Variants in PCSK1 observed in about 807,000 individuals in gnomAD.
PCSK1 encodes the protein neuroendocrine convertase 1.
Under a neutral mutation model 90.6 loss-of-function variants are expected in PCSK1, and 56 were observed. That is an observed-to-expected ratio of 0.62 (90% confidence interval 0.50 to 0.77). PCSK1 has a LOEUF of 0.77. Among genes scored for constraint, PCSK1 ranks in the 30% least tolerant of loss-of-function variants. The pLI, the probability that PCSK1 is intolerant of heterozygous loss-of-function variation, is 0.00. For synonymous variants in PCSK1, 348 were observed against 342.4 expected, an observed-to-expected ratio of 1.02 and a Z score of -0.18; for missense variants, 801 against 932.6, an observed-to-expected ratio of 0.86 and a Z score of 1.84.
intron 9 of PCSK1, among the ~76,000 whole-genome samples, chr5:96,400,701 G>A (rs930596629): frequency 7.2e-5 from 11 of 152,168 alleles, no homozygotes; most frequent in East Asian, 1.9e-4. Context: ...TATCAAAAGC[G>A]TCAAGAAACT....
At chr5:96,420,984 G>C (rs2112436817) in intron 5 of PCSK1, among the ~76,000 whole-genome samples, 1 of 152,240 alleles carries the variant, frequency 6.6e-6, no homozygotes. Flanking sequence ...GATCATTTTG[G>C]TGCAAGTCTC....
rs369199804 is a variant in PCSK1 at position 96,394,851 on chromosome 5, G to C, written c.1884+13C>G. 8.8e-5 allele frequency: 142 copies of C among 1,613,408 alleles called. No individual in the cohort carries two copies. Among genetic ancestry groups the C allele is most frequent in the Non-Finnish European group, 1.2e-4 (140 of 1,179,498 alleles). On this transcript the variant is annotated intron_variant, in intron 13 of 13. Coordinates refer to ENST00000311106, the MANE Select transcript of PCSK1 (RefSeq NM_000439.5). ...TTCAAAAGAGAGCATGCCAAGAACA[G>C]AGCCACACAGACCTCCCCTGGATCC... is the stretch of plus-strand genomic sequence containing the variant.
At chr5:96,406,579 A>T (rs1760572493) in intron 9 of PCSK1, among the ~76,000 whole-genome samples, 1 of 152,052 alleles carries the variant, frequency 6.6e-6, no homozygotes, top group Non-Finnish European at 1.5e-5. Flanking sequence ...CCAGGAATAT[A>T]CCCCATCTCC....
At chr5:96,419,995 C>T (rs983725284) in intron 5 of PCSK1, among the ~76,000 whole-genome samples, 1 of 151,926 alleles carries the variant, frequency 6.6e-6, no homozygotes, top group Non-Finnish European at 1.5e-5. Context: ...CTGGAAGGAC[C>T]GTATACTGCC....
At chr5:96,420,555 A>G (rs979259925) in intron 5 of PCSK1, among the ~76,000 whole-genome samples, 2 of 152,038 alleles carry the variant, frequency 1.3e-5, no homozygotes, top group Non-Finnish European at 2.9e-5. Context: ...TGAACTATCC[A>G]CAAGCCTCCC....
chr5:96,398,949 A>G lies in PCSK1; in HGVS notation c.1518T>C (p.His506=), dbSNP rs747285593. ...ATTCAATTGTTGCTTCAAATTGTAC[A>G]TGCTCCAGGGACTTGATAGCATTTT... ...GQENAIKSLE[H]VQFEATIEYS... is the part of the protein sequence containing the mutation. The change falls in exon 11 of 14, where the codon CAT becomes CAC. Residue 506 remains histidine (H), a synonymous_variant. Coordinates refer to ENST00000311106, the MANE Select transcript of PCSK1 (RefSeq NM_000439.5). The G allele has an allele frequency of 6.2e-7, 1 of 1,612,902 alleles. No homozygotes were observed. Among genetic ancestry groups the G allele is most frequent in the Middle Eastern group, 1.7e-4 (1 of 6,056 alleles).
intron 2 of PCSK1, among the ~76,000 whole-genome samples, chr5:96,426,805 C>G (rs1303749270): frequency 6.6e-6 from 1 of 151,908 alleles, no homozygotes; most frequent in Admixed American, 6.6e-5. Context: ...TGAATCAGCT[C>G]CAAAAATAAA....
rs751814398 is a variant in PCSK1, at chr5:96,394,878, C to A, written c.1870G>T (p.Val624Leu). Reference protein sequence around the residue: ...QNDRRGVEKMVDPGEEQPTQE... With the variant: ...QNDRRGVEKMLDPGEEQPTQE... Reference sequence around the variant, plus strand: ...GCCACACAGACCTCCCCTGGATCCACCATCTTCTCCACCCCTCTTCTGTCA... The same window carrying A: ...GCCACACAGACCTCCCCTGGATCCAACATCTTCTCCACCCCTCTTCTGTCA... Residue 624 changes from valine (V) to leucine (L), a missense_variant, in exon 13 of 14, where the codon GTG becomes TTG. Transcript: ENST00000311106. The A allele has an allele frequency of 1.9e-5, 31 of 1,614,128 alleles. No individual in the cohort carries two copies. Among genetic ancestry groups the A allele is most frequent in the South Asian group, 8.8e-5 (8 of 91,088 alleles).
Position 96,421,899 on chromosome 5 carries a change from C to T in PCSK1, c.601G>A (p.Asp201Asn). ...DNDHDPFPRY[D>N]PTNENKHGTR... ...ACTCACTTGTTCTCGTTTGTGGGAT[C>T]ATATCGGGGAAATGGATCATGGTCA... The change falls in exon 5 of 14, where the codon GAT becomes AAT. Residue 201 changes from aspartate to asparagine, a missense_variant. Transcript: ENST00000311106. 6.4e-7 allele frequency: 1 copy of T among 1,552,932 alleles called. No homozygotes were observed.
chr5:96,413,528 A>C (rs775699351), intron 6 of PCSK1, among the ~76,000 whole-genome samples: 4 of 152,188 alleles, frequency 2.6e-5, no homozygotes, highest in Non-Finnish European at 5.9e-5. Flanking sequence ...AGCCAGGCGC[A>C]GTGGCTCATG....
chr5:96,418,559 T>C (rs1286594290), intron 5 of PCSK1, among the ~76,000 whole-genome samples: 2 of 152,218 alleles, frequency 1.3e-5, no homozygotes, highest in Non-Finnish European at 2.9e-5. Context: ...ATGTAGCTTC[T>C]ATTAATCTCA....
intron 9 of PCSK1, among the ~76,000 whole-genome samples, chr5:96,404,890 C>T (rs1328413601): frequency 6.6e-6 from 1 of 152,056 alleles, no homozygotes; most frequent in Non-Finnish European, 1.5e-5. Flanking sequence ...TATAAAGAGG[C>T]CAGCTGTGTC....
chr5:96,392,999 T>C lies in PCSK1; in HGVS notation c.*2A>G. 1.2e-6 allele frequency: 2 copies of C among 1,614,122 alleles called. No homozygotes were observed. Among genetic ancestry groups the C allele is most frequent in the South Asian group, 1.1e-5 (1 of 91,084 alleles). The stretch of plus-strand genomic sequence containing the variant: ...TTTCCAACTTGGGACCACACACTTA[T>C]TTTAATTTTCCTCATTCAGAATGTC... On this transcript the variant is annotated 3_prime_UTR_variant, in exon 14 of 14. Coordinates refer to ENST00000311106, the MANE Select transcript of PCSK1 (RefSeq NM_000439.5).
chr5:96,413,656 C>T (rs1279021139), intron 6 of PCSK1, among the ~76,000 whole-genome samples: 1 of 151,274 alleles, frequency 6.6e-6, no homozygotes, highest in Admixed American at 6.6e-5. Flanking sequence ...AAAAATTAGT[C>T]AGGCATGCTG....
rs1289911103 is a variant in PCSK1 at position 96,392,143 on chromosome 5, T to A, written c.*858A>T. The A allele has an allele frequency of 6.6e-6, 1 of 151,908 alleles. No homozygotes were observed. The highest frequency in any genetic ancestry group is 2.4e-5 in the African/African-American group (1 of 41,330). The allele number at this position is 151,908 out of a possible 1,614,324, so 9.4% of individuals were successfully genotyped here. Reference sequence around the variant, plus strand: ...TTCCTGTTACTGCTGAAAAAAATTGTGACTAGGAATTTGCCAAGTCCCAAG... The same window carrying A: ...TTCCTGTTACTGCTGAAAAAAATTGAGACTAGGAATTTGCCAAGTCCCAAG... On this transcript the variant is annotated 3_prime_UTR_variant, in exon 14 of 14. Transcript: ENST00000311106.
At chr5:96,421,821 T>C (rs1460449990) in intron 5 of PCSK1, 59 bp downstream of exon 5, 1 of 944,198 alleles carries the variant, frequency 1.1e-6, no homozygotes, top group Non-Finnish European at 1.8e-6. Flanking sequence ...TATAATTTTC[T>C]CAAACAAGAT....
chr5:96,410,134 A>G (rs1382687147), intron 8 of PCSK1, among the ~76,000 whole-genome samples: 1 of 152,104 alleles, frequency 6.6e-6, no homozygotes, highest in Non-Finnish European at 1.5e-5. Flanking sequence ...ATGCCCCTCC[A>G]TCGTCATGCC....
chr5:96,421,993 TAAAAAAAAAAAAAAAAAA>T, intron 4 of PCSK1, 37 bp from the exon 5 acceptor site: 2 of 355,788 alleles, frequency 5.6e-6, no homozygotes, highest in Admixed American at 5.2e-5. Context: ...GTGGCAGCAT[TAAAAAAAAAAAAAAAAAA>T]AAAAAAAAGC....
rs1759947555 is a variant in PCSK1, at chr5:96,391,657, C to G, written c.*1344G>C. On this transcript the variant is annotated 3_prime_UTR_variant, in exon 14 of 14. Coordinates refer to ENST00000311106, the MANE Select transcript of PCSK1 (RefSeq NM_000439.5). ...TATTGGATACTGCCCAGCAAGGAATCAAGTGCCTGCTCTAGGTAACATGGA... is the reference window on the plus strand; with the variant it reads ...TATTGGATACTGCCCAGCAAGGAATGAAGTGCCTGCTCTAGGTAACATGGA... The G allele has an allele frequency of 6.6e-6, 1 of 152,210 alleles. No individual in the cohort carries two copies. Among genetic ancestry groups the G allele is most frequent in the Admixed American group, 6.5e-5 (1 of 15,288 alleles). 9.4% of individuals were successfully genotyped at this position (152,210 alleles called of 1,614,324 possible).
Sources: allele counts gnomAD v4.1 joint callset (sites outside exome capture counted in the v4.1 genomes callset), GRCh38; gene constraint gnomAD v4.1.1; transcripts MANE v1.5; gene names NCBI Gene and HGNC (gene_info 2026-07-23, HGNC 2026-07-21).